GRM1: variants seen among roughly 807,000 people sequenced by gnomAD.
GRM1 encodes metabotropic glutamate receptor 1.
A neutral mutation model predicts 90.9 loss-of-function variants in GRM1; 33 were observed. The ratio of observed to expected loss-of-function variants is 0.36; its 90% CI spans 0.28 to 0.49. The LOEUF (loss-of-function observed/expected upper bound fraction) is 0.49, where lower values mean the gene tolerates loss of function less well. Among genes scored for constraint, GRM1 ranks in the 20% least tolerant of loss-of-function variants. The probability of loss-of-function intolerance (pLI) is 0.99; values close to 1 mark genes in which losing one functional copy is unlikely to be tolerated. For missense variants in GRM1, 1,190 were observed against 1,534.3 expected (o/e 0.78, Z 3.75); for synonymous variants, 700 against 613.2 (o/e 1.14, Z -2.09).
chr6:146,063,453 C>T (rs1286863242), intron 1 of GRM1, among the ~76,000 whole-genome samples: 1 of 152,090 alleles, frequency 6.6e-6, no homozygotes, highest in East Asian at 1.9e-4. Context: ...GTGTTAATTG[C>T]TTTCAAGACT....
intron 1 of GRM1, among the ~76,000 whole-genome samples, chr6:146,156,475 C>T (rs1490696059): frequency 6.6e-6 from 1 of 152,190 alleles, no homozygotes; most frequent in Non-Finnish European, 1.5e-5. Flanking sequence ...AGTACCTGGT[C>T]TTCCTTCTTG....
intron 1 of GRM1, among the ~76,000 whole-genome samples, chr6:146,145,945 A>G (rs1330311378): frequency 6.6e-6 from 1 of 151,998 alleles, no homozygotes; most frequent in Non-Finnish European, 1.5e-5. Context: ...TGCAAAGGAC[A>G]CTGGACATAT....
At chr6:146,097,900 T>G (rs1405190141) in intron 1 of GRM1, among the ~76,000 whole-genome samples, 2 of 152,348 alleles carry the variant, frequency 1.3e-5, no homozygotes, top group Admixed American at 1.3e-4. Flanking sequence ...CAGCTTTGCC[T>G]TGTGATTAGT....
chr6:146,111,639 G>A (rs1254219496), intron 1 of GRM1, among the ~76,000 whole-genome samples: 1 of 152,162 alleles, frequency 6.6e-6, no homozygotes, highest in Non-Finnish European at 1.5e-5. Flanking sequence ...TGTTCATGCA[G>A]GATAACTTAA....
At chr6:146,382,356 A>G (rs1330141110) in intron 5 of GRM1, among the ~76,000 whole-genome samples, 1 of 151,896 alleles carries the variant, frequency 6.6e-6, no homozygotes, top group Non-Finnish European at 1.5e-5. Flanking sequence ...TCTGAATGTA[A>G]CATATCTCCC....
chr6:146,193,380 A>G (rs1778996910), intron 2 of GRM1, among the ~76,000 whole-genome samples: 2 of 152,198 alleles, frequency 1.3e-5, no homozygotes. Context: ...CATCTAGACC[A>G]TGAGAAAATA....
intron 1 of GRM1, among the ~76,000 whole-genome samples, chr6:146,140,086 C>A (rs143642571): frequency 1.9e-5 from 2 of 105,858 alleles, no homozygotes; most frequent in South Asian, 3.8e-4. Context: ...TCCTTTCTTT[C>A]TTTATTCTTT....
At chr6:146,085,593 T>C (rs553573154) in intron 1 of GRM1, among the ~76,000 whole-genome samples, 2 of 152,238 alleles carry the variant, frequency 1.3e-5, no homozygotes, top group South Asian at 2.1e-4. Flanking sequence ...TTTCAGTATC[T>C]TCTCAGTGCT....
At chr6:146,139,220 G>T (rs1776742781) in intron 1 of GRM1, among the ~76,000 whole-genome samples, 1 of 152,036 alleles carries the variant, frequency 6.6e-6, no homozygotes, top group South Asian at 2.1e-4. Flanking sequence ...TTTAAGATTT[G>T]TTTTGTGGTC....
intron 1 of GRM1, among the ~76,000 whole-genome samples, chr6:146,096,156 T>C (rs1164252257): frequency 1.3e-5 from 2 of 152,174 alleles, no homozygotes; most frequent in Admixed American, 1.3e-4. Flanking sequence ...TAGTTTTGTT[T>C]TTTCAAACAG....
At chr6:146,282,679 T>C (rs1782615554) in intron 2 of GRM1, among the ~76,000 whole-genome samples, 1 of 152,074 alleles carries the variant, frequency 6.6e-6, no homozygotes, top group East Asian at 1.9e-4. Context: ...AATAACATTC[T>C]CCCTTATTAA....
chr6:146,375,331 A>C (rs1321472033), intron 5 of GRM1, among the ~76,000 whole-genome samples: 1 of 152,018 alleles, frequency 6.6e-6, no homozygotes, highest in Non-Finnish European at 1.5e-5. Flanking sequence ...ATCAAGAAAG[A>C]GGAAGAGAGG....
chr6:146,315,249 T>C (rs1244308440), intron 3 of GRM1, among the ~76,000 whole-genome samples: 1 of 152,076 alleles, frequency 6.6e-6, no homozygotes, highest in Admixed American at 6.6e-5. Context: ...TCTAAATAGA[T>C]ACTAACATGC....
rs533189499 is a variant in GRM1 at position 146,257,538 on chromosome 6, T to A, written c.951-47073T>A. 1.0e-3 allele frequency among the ~76,000 whole-genome samples: 151 copies of A among 146,676 alleles called. 1 individual carries two copies. Among genetic ancestry groups the A allele is most frequent in the Middle Eastern group, 3.4e-3 (1 of 292 alleles). ...TGTGTATATATATATATATGTATAA[T>A]TTATATGTGTGTACATATATATATT... On this transcript the variant is annotated intron_variant, in intron 2 of 7. Transcript: ENST00000282753.
intron 2 of GRM1, among the ~76,000 whole-genome samples, chr6:146,297,967 G>A (rs1428815818): frequency 6.6e-6 from 1 of 151,962 alleles, no homozygotes; most frequent in East Asian, 1.9e-4. Context: ...TACCTTCTCT[G>A]TGGTGCTGAA....
chr6:146,283,086 C>T (rs1782633892), intron 2 of GRM1, among the ~76,000 whole-genome samples: 3 of 152,178 alleles, frequency 2.0e-5, no homozygotes, highest in Admixed American at 2.0e-4. Context: ...GCTGCTCTCT[C>T]AGCCCCAGGC....
intron 2 of GRM1, among the ~76,000 whole-genome samples, chr6:146,262,459 A>G (rs1440402106): frequency 1.3e-5 from 2 of 152,028 alleles, no homozygotes; most frequent in African/African-American, 4.8e-5. Context: ...AACAATGAAA[A>G]TATACATAAA....
At chr6:146,150,682 A>G (rs1218365589) in intron 1 of GRM1, among the ~76,000 whole-genome samples, 4 of 152,108 alleles carry the variant, frequency 2.6e-5, no homozygotes, top group African/African-American at 9.7e-5. Context: ...TTTTGTATTC[A>G]TTAACCAACC....
intron 2 of GRM1, among the ~76,000 whole-genome samples, chr6:146,211,131 A>T (rs898885548): frequency 1.3e-5 from 2 of 152,062 alleles, no homozygotes; most frequent in Non-Finnish European, 2.9e-5. Flanking sequence ...GGAAGAAAAA[A>T]AAAAAAACAT....
Sources: gnomAD v4.1 joint callset for allele counts (sites outside exome capture counted in the v4.1 genomes callset) on GRCh38, gnomAD v4.1.1 for gene constraint, MANE v1.5 for transcripts, NCBI Gene and HGNC (gene_info 2026-07-23, HGNC 2026-07-21) for gene names.